PAPPA: variants seen among roughly 807,000 people sequenced by gnomAD.
PAPPA encodes pappalysin 1.
PAPPA carries 60 observed loss-of-function variants against 164.0 expected under a neutral mutation model. That is an observed-to-expected ratio of 0.37 (90% CI 0.30 to 0.45). The LOEUF is 0.45. Among genes scored for constraint, PAPPA ranks in the 20% least tolerant of loss-of-function variants. The probability of loss-of-function intolerance (pLI) is 1.00; values close to 1 mark genes in which losing one functional copy is unlikely to be tolerated. For missense variants in PAPPA, 1,782 were observed against 2,087.3 expected, an observed-to-expected ratio of 0.85 and a Z score of 2.85; for synonymous variants, 875 against 814.1, an observed-to-expected ratio of 1.07 and a Z score of -1.27.
chr9:116,361,445 C>T (rs1283466770), intron 17 of PAPPA, among the ~76,000 whole-genome samples: 3 of 152,208 alleles, frequency 2.0e-5, no homozygotes, highest in South Asian at 2.1e-4. Context: ...TCTTCCCCTG[C>T]TTCATGCCTT....
intron 9 of PAPPA, among the ~76,000 whole-genome samples, chr9:116,291,609 T>C (rs891022428): frequency 6.6e-6 from 1 of 152,068 alleles, no homozygotes; most frequent in Non-Finnish European, 1.5e-5. Context: ...GGGATATTAA[T>C]TAAAGTAAGA....
At chr9:116,171,493 A>AC (rs916297256) in intron 1 of PAPPA, among the ~76,000 whole-genome samples, 5 of 121,956 alleles carry the variant, frequency 4.1e-5, no homozygotes, top group East Asian at 5.8e-4. Context: ...CCCACTTTCA[A>AC]CCCCCCCACC....
intron 4 of PAPPA, among the ~76,000 whole-genome samples, chr9:116,216,770 C>A (rs1844377772): frequency 6.6e-6 from 1 of 152,008 alleles, no homozygotes; most frequent in African/African-American, 2.4e-5. Flanking sequence ...GAGGCGGAGT[C>A]TTACTCTGTC....
intron 2 of PAPPA, among the ~76,000 whole-genome samples, chr9:116,192,205 C>A (rs1844051449): frequency 6.6e-6 from 1 of 152,092 alleles, no homozygotes; most frequent in Admixed American, 6.5e-5. Flanking sequence ...GCCAGCCTCC[C>A]AAGGACACAG....
intron 9 of PAPPA, among the ~76,000 whole-genome samples, chr9:116,289,170 TATAGCATATATGTAGC>T (rs1845389195): frequency 3.0e-5 from 1 of 33,624 alleles, no homozygotes; most frequent in African/African-American, 9.8e-5. Context: ...AGCATATATA[TATAGCATATATGTAGC>T]ATATATATAG....
At chr9:116,393,113 G>A (rs911760234) in intron 21 of PAPPA, among the ~76,000 whole-genome samples, 2 of 152,180 alleles carry the variant, frequency 1.3e-5, no homozygotes, top group Admixed American at 6.5e-5. Flanking sequence ...GCTAACTGGT[G>A]GCAAGGCCTT....
chr9:116,331,000 G>C (rs191838742), intron 10 of PAPPA, among the ~76,000 whole-genome samples: 1 of 152,026 alleles, frequency 6.6e-6, no homozygotes, highest in Non-Finnish European at 1.5e-5. Context: ...ATTTGTCTCC[G>C]TGAGAATATC....
At chr9:116,342,163 A>C (rs979096367) in intron 13 of PAPPA, among the ~76,000 whole-genome samples, 4 of 152,212 alleles carry the variant, frequency 2.6e-5, no homozygotes, top group Non-Finnish European at 4.4e-5. Flanking sequence ...ACAGGTCAGA[A>C]CAGCTTGGGA....
chr9:116,284,188 T>C lies in PAPPA; in HGVS notation c.2953+12772T>C, dbSNP rs1028239127. ...TTATTATGGCTAACAAAAATAATAA[T>C]CTAGTTCTTACTCACAAGTAGAGAG... On this transcript the variant is annotated intron_variant, in intron 9 of 21. Transcript: ENST00000328252. Among the ~76,000 whole-genome samples the C allele has an allele frequency of 3.9e-5, 6 of 152,278 alleles. No individual in the cohort carries two copies. The South Asian group carries it at 6.2e-4, about 16-fold the overall frequency.
chr9:116,328,983 A>T (rs993143070), intron 10 of PAPPA, among the ~76,000 whole-genome samples: 5 of 152,246 alleles, frequency 3.3e-5, no homozygotes, highest in African/African-American at 1.2e-4. Flanking sequence ...AAAAGTATTA[A>T]TGCTTGCAAC....
Position 116,220,115 on chromosome 9 carries a change from C to A in PAPPA, c.2097C>A (p.Gly699=). The change falls in exon 5 of 22, where the codon GGC becomes GGA. Residue 699 remains glycine (G), a synonymous_variant. Transcript: ENST00000328252. ...TGGAGTGGTTCCCACCTATAGATGG[C>A]CATTTCTTTGAAAGGTGAGTGTGCC... is the stretch of plus-strand genomic sequence containing the variant. ...VTLEWFPPID[G]HFFERELGSA... 2.5e-6 allele frequency: 4 copies of A among 1,612,962 alleles called. No homozygotes were observed. The highest frequency in any genetic ancestry group is 3.4e-6 in the Non-Finnish European group (4 of 1,179,488).
intron 1 of PAPPA, among the ~76,000 whole-genome samples, chr9:116,172,568 G>T (rs1326197945): frequency 6.6e-6 from 1 of 152,116 alleles, no homozygotes; most frequent in Non-Finnish European, 1.5e-5. Flanking sequence ...GACTTACATG[G>T]ATTCTTCTGA....
intron 13 of PAPPA, among the ~76,000 whole-genome samples, chr9:116,338,227 T>G (rs1846088486): frequency 6.6e-6 from 1 of 152,356 alleles, no homozygotes; most frequent in Admixed American, 6.5e-5. Context: ...CCTTTCATGC[T>G]TCCTTTCTTC....
rs1564168109 is a variant in PAPPA at position 116,154,285 on chromosome 9, C to T, written c.113C>T (p.Pro38Leu). ...ARRDPRAGRP[P>L]RPAAGPATCA... ...AGAGACCCGCGGGCCGGCCGACCCC[C>T]GCGCCCCGCCGCCGGCCCGGCCACC... Residue 38 changes from proline (P) to leucine (L), a missense_variant, in exon 1 of 22, where the codon CCG becomes CTG. By Grantham distance (98) the Pro-to-Leu change is moderately conservative. Around this residue, in one of 2 missense-constraint regions of PAPPA, gnomAD observed 458 missense variants for 430.3 expected, o/e 1.06. Coordinates refer to ENST00000328252, the MANE Select transcript of PAPPA (RefSeq NM_002581.5). This position sits in a 1 kb window ranked among gnomAD's most constrained non-coding sequence, Gnocchi z 5.2. 2.0e-6 allele frequency: 2 copies of T among 983,736 alleles called. No individual in the cohort carries two copies. The highest frequency in any genetic ancestry group is 2.4e-6 in the Non-Finnish European group (2 of 827,224). The allele number at this position is 983,736 out of a possible 1,614,324, so 60.9% of individuals were successfully genotyped here. A position where few individuals can be genotyped will look rare whatever the true frequency, so the allele number is the denominator to read the frequency against.
Position 116,344,525 on chromosome 9 carries a change from C to T in PAPPA, c.3612-18C>T, listed in dbSNP as rs774153051. On this transcript the variant is annotated intron_variant, in intron 13 of 21. Coordinates refer to ENST00000328252, the MANE Select transcript of PAPPA (RefSeq NM_002581.5). ...CTGTGAGGAGACTCCTTCTTCCCCT[C>T]GTTTCTTTCCTCCCCAGCTGCGTGC... The T allele has an allele frequency of 5.6e-6, 9 of 1,603,886 alleles. No individual in the cohort carries two copies. Among genetic ancestry groups the T allele is most frequent in the South Asian group, 3.3e-5 (3 of 90,576 alleles).
chr9:116,203,469 AT>A (rs1844194581), intron 2 of PAPPA, among the ~76,000 whole-genome samples: 1 of 152,184 alleles, frequency 6.6e-6, no homozygotes, highest in African/African-American at 2.4e-5. Flanking sequence ...GAAAAGACAG[AT>A]GCTCACACAG....
intron 7 of PAPPA, among the ~76,000 whole-genome samples, chr9:116,241,145 C>T (rs1265171365): frequency 6.6e-6 from 1 of 152,144 alleles, no homozygotes; most frequent in Admixed American, 6.6e-5. Flanking sequence ...ACTCCAAATG[C>T]TTTGAATACC....
At chr9:116,355,885 G>A (rs1588018069) in intron 17 of PAPPA, among the ~76,000 whole-genome samples, 1 of 152,138 alleles carries the variant, frequency 6.6e-6, no homozygotes, top group African/African-American at 2.4e-5. Context: ...TACAATTGAC[G>A]TTTCTACTTT....
At chr9:116,333,749 C>T (rs758401717) in intron 12 of PAPPA, among the ~76,000 whole-genome samples, 28 of 152,302 alleles carry the variant, frequency 1.8e-4, no homozygotes, top group Middle Eastern at 3.4e-3. Context: ...TGTCGTTGCA[C>T]AGCCCAGGGC....
Sources: allele counts gnomAD v4.1 joint callset (sites outside exome capture counted in the v4.1 genomes callset), GRCh38; gene constraint gnomAD v4.1.1; regional missense constraint gnomAD v4.1.1; non-coding constraint Gnocchi (gnomAD v3.1); transcripts MANE v1.5; gene names NCBI Gene and HGNC (gene_info 2026-07-23, HGNC 2026-07-21).